The following NEDD4L variants were observed in gnomAD, a reference collection of about 807,000 sequenced individuals.
NEDD4L encodes E3 ubiquitin-protein ligase NEDD4-like.
In NEDD4L, 54 loss-of-function variants were observed where a neutral mutation model predicts 148.9. The observed-to-expected ratio is 0.36, with a 90% CI of 0.29 to 0.45. NEDD4L has a LOEUF of 0.45. Ranked by LOEUF, NEDD4L falls within the 20% of genes least tolerant of loss-of-function variation. NEDD4L has a pLI of 1.00. For missense variants in NEDD4L, 856 were observed against 1,233.8 expected, an observed-to-expected ratio of 0.69 and a Z score of 4.59; for synonymous variants, 433 against 440.7, an observed-to-expected ratio of 0.98 and a Z score of 0.22.
At chr18:58,141,923 G>T (rs1485171217) in intron 1 of NEDD4L, among the ~76,000 whole-genome samples, 3 of 151,858 alleles carry the variant, frequency 2.0e-5, no homozygotes, top group African/African-American at 7.3e-5. Flanking sequence ...ACGCTGTTTT[G>T]TGAAAGCCAA....
At chr18:58,051,998 T>G (rs1391779408) in intron 1 of NEDD4L, among the ~76,000 whole-genome samples, 1 of 152,240 alleles carries the variant, frequency 6.6e-6, no homozygotes, top group Non-Finnish European at 1.5e-5. Flanking sequence ...CACTGTTTAA[T>G]GTTACTGTTG....
chr18:58,335,439 C>CCCTA, intron 12 of NEDD4L, 39 bp from the exon 13 acceptor site: 1 of 1,562,568 alleles, frequency 6.4e-7, no homozygotes, highest in Non-Finnish European at 8.8e-7. Flanking sequence ...GGGGGTCATC[C>CCCTA]CCTAAGTGCA....
intron 1 of NEDD4L, among the ~76,000 whole-genome samples, chr18:58,142,635 G>A (rs542239052): frequency 6.6e-6 from 1 of 152,288 alleles, no homozygotes; most frequent in African/African-American, 2.4e-5. Context: ...AAACAACTGT[G>A]TTTAATATAT....
At chr18:58,063,904 A>T (rs1288900957) in intron 1 of NEDD4L, among the ~76,000 whole-genome samples, 1 of 150,552 alleles carries the variant, frequency 6.6e-6, no homozygotes, top group Admixed American at 6.6e-5. Context: ...TTAGAGAAAA[A>T]ACATCAGTGA....
intron 10 of NEDD4L, 134 bp from the exon 11 acceptor site, chr18:58,330,604 G>A: frequency 1.8e-6 from 1 of 551,136 alleles, no homozygotes; most frequent in Non-Finnish European, 3.0e-6. Context: ...AAGGTTGTGT[G>A]CCTCATGAGA....
At chr18:58,211,341 G>A (rs1289087654) in intron 2 of NEDD4L, among the ~76,000 whole-genome samples, 2 of 152,198 alleles carry the variant, frequency 1.3e-5, no homozygotes, top group Non-Finnish European at 2.9e-5. Context: ...AATTGTCAAG[G>A]AAGCTGGATA....
chr18:58,147,182 A>G (rs1023198525), intron 1 of NEDD4L, among the ~76,000 whole-genome samples: 3 of 152,176 alleles, frequency 2.0e-5, no homozygotes, highest in Admixed American at 6.5e-5. Context: ...AAAATTAGAG[A>G]AAGGCTGTGA....
chr18:58,272,131 TTATA>T (rs1325471786), intron 5 of NEDD4L, among the ~76,000 whole-genome samples: 1 of 152,210 alleles, frequency 6.6e-6, no homozygotes, highest in African/African-American at 2.4e-5. Context: ...GAAAGTGTTA[TTATA>T]TAAGATCATG....
chr18:58,386,415 CTATACAG>C (rs1416872796), intron 26 of NEDD4L, among the ~76,000 whole-genome samples: 2 of 152,138 alleles, frequency 1.3e-5, no homozygotes, highest in Non-Finnish European at 2.9e-5. Context: ...AGGTTCTCTT[CTATACAG>C]ATACATGGAA....
intron 5 of NEDD4L, among the ~76,000 whole-genome samples, chr18:58,300,251 G>T (rs1367806146): frequency 6.6e-6 from 1 of 152,240 alleles, no homozygotes; most frequent in Non-Finnish European, 1.5e-5. Flanking sequence ...GCACAGAGTG[G>T]TGAGTGCCTT....
At chr18:58,324,881 C>T in intron 8 of NEDD4L, 115 bp from the exon 9 acceptor site, 1 of 946,814 alleles carries the variant, frequency 1.1e-6, no homozygotes, top group Non-Finnish European at 1.6e-6. Flanking sequence ...GAAGCCATGG[C>T]TAGAGCCAGA....
chr18:58,130,799 G>C (rs570901674), intron 1 of NEDD4L, among the ~76,000 whole-genome samples: 1 of 147,160 alleles, frequency 6.8e-6, no homozygotes, highest in East Asian at 2.1e-4. Context: ...GATTTGGTTG[G>C]TTGTGATCTA....
intron 1 of NEDD4L, among the ~76,000 whole-genome samples, chr18:58,063,613 T>A (rs1281898454): frequency 6.6e-6 from 1 of 150,392 alleles, no homozygotes; most frequent in Non-Finnish European, 1.5e-5. Flanking sequence ...TCATCCAGGC[T>A]GGAGTGCAGT....
intron 12 of NEDD4L, 101 bp from the exon 13 acceptor site, chr18:58,335,377 C>T (rs1254444125): frequency 8.5e-6 from 8 of 938,810 alleles, no homozygotes; most frequent in Middle Eastern, 2.5e-4. Flanking sequence ...TCTGATCTCA[C>T]GTCACCTGCC....
intron 5 of NEDD4L, among the ~76,000 whole-genome samples, chr18:58,289,605 G>A (rs1054387978): frequency 3.3e-5 from 5 of 152,170 alleles, no homozygotes; most frequent in African/African-American, 7.2e-5. Context: ...TCAGGGGCCC[G>A]TTCCACCAGC....
chr18:58,362,007 A>G (rs1164727345), intron 19 of NEDD4L, among the ~76,000 whole-genome samples: 1 of 152,242 alleles, frequency 6.6e-6, no homozygotes, highest in Non-Finnish European at 1.5e-5. Flanking sequence ...TTATTCTATC[A>G]TGAGAACTAC....
At chr18:58,182,877 T>C (rs1736162105) in intron 2 of NEDD4L, among the ~76,000 whole-genome samples, 1 of 152,226 alleles carries the variant, frequency 6.6e-6, no homozygotes. Flanking sequence ...TGCATTCCTT[T>C]ATTTTAAGTG....
intron 2 of NEDD4L, among the ~76,000 whole-genome samples, chr18:58,238,441 A>G (rs547209527): frequency 6.6e-6 from 1 of 152,340 alleles, no homozygotes; most frequent in African/African-American, 2.4e-5. Context: ...GTACTTGCTT[A>G]CAGTAGAAAC....
At chr18:58,377,603 G>A (rs1400299757) in intron 24 of NEDD4L, among the ~76,000 whole-genome samples, 1 of 152,156 alleles carries the variant, frequency 6.6e-6, no homozygotes, top group African/African-American at 2.4e-5. Flanking sequence ...TGCCAAGCAG[G>A]AAGAATAAGC....
Sources: gnomAD v4.1 joint callset for allele counts (sites outside exome capture counted in the v4.1 genomes callset) on GRCh38, gnomAD v4.1.1 for gene constraint, MANE v1.5 for transcripts, NCBI Gene and HGNC (gene_info 2026-07-23, HGNC 2026-07-21) for gene names.